Variants in ARSL observed in about 807,000 individuals in gnomAD.
ARSL encodes the protein arylsulfatase L.
Under a neutral mutation model 31.1 loss-of-function variants are expected in ARSL, and 4 were observed. That is an observed-to-expected ratio of 0.13 (90% CI 0.06 to 0.29). The LOEUF (loss-of-function observed/expected upper bound fraction) is 0.29, where lower values mean the gene tolerates loss of function less well. Among genes scored for constraint, ARSL ranks in the 10% least tolerant of loss-of-function variants. The pLI is 1.00. For missense variants in ARSL, 312 were observed against 497.8 expected, an observed-to-expected ratio of 0.63 and a Z score of 3.55; for synonymous variants, 198 against 209.9, an observed-to-expected ratio of 0.94 and a Z score of 0.49.
intron 8 of ARSL, among the ~76,000 whole-genome samples, chrX:2,938,969 G>C (rs2089243181): frequency 9.1e-6 from 1 of 110,369 alleles, no homozygotes; most frequent in African/African-American, 3.3e-5. Context: ...CGGTAACTGG[G>C]AGAGGCAGGA....
At position 2,949,298 on chromosome X, in the gene ARSL, G is replaced by C. The variant is rs1249221407; in HGVS notation, c.854+6C>G. The C allele has an allele frequency of 8.3e-7, 1 of 1,211,307 alleles. No individual in the cohort carries two copies. Among genetic ancestry groups the C allele is most frequent in the African/African-American group, 1.7e-5 (1 of 57,693 alleles). On this transcript the variant is annotated splice_donor_region_variant and intron_variant, in intron 6 of 10. Transcript: ENST00000381134. ...GCTTGGAGGAAGCTGACCCTTTTCT[G>C]CTGACCTTTTGAGAAAGGACGCAAC... is the stretch of plus-strand genomic sequence containing the variant.
intron 6 of ARSL, among the ~76,000 whole-genome samples, chrX:2,947,167 G>A (rs776644705): frequency 1.2e-3 from 133 of 110,472 alleles, no homozygotes; most frequent in African/African-American, 4.0e-3. Flanking sequence ...CTGGACAACC[G>A]GATTGAAATC....
At chrX:2,962,358 G>A (rs926533978) in intron 1 of ARSL, among the ~76,000 whole-genome samples, 3 of 112,164 alleles carry the variant, frequency 2.7e-5, no homozygotes, top group East Asian at 2.8e-4. Flanking sequence ...GCATGCAGAT[G>A]TGTTGGGTTT....
intron 1 of ARSL, among the ~76,000 whole-genome samples, chrX:2,960,635 G>A (rs2089613639): frequency 1.8e-5 from 2 of 112,008 alleles, no homozygotes; most frequent in Admixed American, 1.9e-4. Context: ...AATGTAAAAC[G>A]TGTTTCAATA....
At position 2,934,794 on chromosome X, in the gene ARSL, A is replaced by T. The variant is rs1226836208; in HGVS notation, c.*38T>A. The T allele has an allele frequency of 8.6e-7, 1 of 1,165,553 alleles. No homozygotes were observed. The highest frequency in any genetic ancestry group is 2.3e-5 in the Admixed American group (1 of 43,550). On this transcript the variant is annotated 3_prime_UTR_variant, in exon 11 of 11. Transcript: ENST00000381134. ...GGTTTGTTTCAATTTGAGTGACAAA[A>T]TTTAGGAATCGGGGCTCCAGCTTTT...
Position 2,936,908 on chromosome X carries a change from C to T in ARSL, c.1290-45G>A, listed in dbSNP as rs60088229. On this transcript the variant is annotated intron_variant, in intron 9 of 10. Transcript: ENST00000381134. ...ATGGCTCAGGGTTGGAACAGGGACT[C>T]TGGACATTTGTCCCTCCAGCATCCA... The T allele has an allele frequency of 3.3e-3, 3,935 of 1,206,294 alleles. 49 individuals are homozygous for T. The African/African-American group carries it at 0.045, about 14-fold the overall frequency.
intron 2 of ARSL, among the ~76,000 whole-genome samples, chrX:2,959,312 A>T (rs1382293504): frequency 3.6e-5 from 4 of 111,895 alleles, no homozygotes; most frequent in Non-Finnish European, 5.6e-5. Flanking sequence ...TCTGATGAGA[A>T]GTGGGTTTGG....
chrX:2,938,029 G>A (rs2089227228), intron 9 of ARSL, 66 bp downstream of exon 9: 1 of 1,200,776 alleles, frequency 8.3e-7, no homozygotes, highest in African/African-American at 1.7e-5. Context: ...AAAGTGACAT[G>A]TTCATTTGCC....
intron 10 of ARSL, 111 bp from the exon 11 acceptor site, chrX:2,935,301 G>A: frequency 1.5e-6 from 1 of 686,774 alleles, no homozygotes; most frequent in Non-Finnish European, 2.3e-6. Context: ...GTCCATCGAT[G>A]GATGGACAGA....
At chrX:2,956,650 CGG>C in intron 3 of ARSL, among the ~76,000 whole-genome samples, 1 of 109,012 alleles carries the variant, frequency 9.2e-6, no homozygotes, top group East Asian at 3.0e-4. Flanking sequence ...TTAGTAGAGA[CGG>C]GGGTTTCACC....
intron 5 of ARSL, among the ~76,000 whole-genome samples, chrX:2,952,363 C>T (rs762200797): frequency 8.1e-5 from 9 of 111,215 alleles, no homozygotes; most frequent in African/African-American, 2.0e-4. Context: ...GACAGGGTTT[C>T]GCCATGCTGC....
intron 1 of ARSL, among the ~76,000 whole-genome samples, chrX:2,961,827 A>T (rs186005135): frequency 1.9e-5 from 2 of 105,337 alleles, no homozygotes; most frequent in East Asian, 5.9e-4. Context: ...TTTTCTCTTA[A>T]CCTGAAGATT....
Position 2,953,124 on chromosome X carries a change from C to G in ARSL, c.430+19G>C, listed in dbSNP as rs909186773. 3 of 1,205,320 alleles carry G rather than the reference C, an allele frequency of 2.5e-6. No homozygotes were observed. Among genetic ancestry groups the G allele is most frequent in the Non-Finnish European group, 3.4e-6 (3 of 891,372 alleles). On this transcript the variant is annotated intron_variant, in intron 5 of 10. Coordinates refer to ENST00000381134, the MANE Select transcript of ARSL (RefSeq NM_000047.3). The stretch of plus-strand genomic sequence containing the variant: ...CCATATAAAAGTCATGTGCTTACCA[C>G]TTTTAAAAACGTACATACCAATGAG...
rs764120274 is a variant in ARSL, at chrX:2,946,596, C to T, written c.855-462G>A. Among the ~76,000 whole-genome samples, 4 of 101,899 alleles carry T rather than the reference C, an allele frequency of 3.9e-5. No individual in the cohort carries two copies. The South Asian group carries it at 1.9e-3, about 49-fold the overall frequency. 88.5% of individuals were successfully genotyped at this position (101,899 alleles called of 115,157 possible). ...TGAACTCCTCGGCTCAAGTGACCTG[C>T]CCCTGCCCATCTCGGCCTTCCAAAG... On this transcript the variant is annotated intron_variant, in intron 6 of 10. Transcript: ENST00000381134.
chrX:2,946,256 T>G (rs1161225990), intron 6 of ARSL, 122 bp from the exon 7 acceptor site: 2 of 614,581 alleles, frequency 3.3e-6, no homozygotes, highest in African/African-American at 4.7e-5. Flanking sequence ...TCAACTCTGC[T>G]CACCAAAAAG....
At chrX:2,944,865 A>T (rs760185872) in intron 7 of ARSL, among the ~76,000 whole-genome samples, 93 of 110,904 alleles carry the variant, frequency 8.4e-4, no homozygotes, top group African/African-American at 2.9e-3. Context: ...TACCTAACAC[A>T]TGGTCACGAA....
intron 7 of ARSL, among the ~76,000 whole-genome samples, chrX:2,944,236 A>T (rs1213180788): frequency 1.0e-4 from 11 of 109,100 alleles, no homozygotes; most frequent in Non-Finnish European, 1.9e-4. Context: ...CGGGCGGATC[A>T]CAAGGTCAGC....
intron 1 of ARSL, among the ~76,000 whole-genome samples, chrX:2,963,182 A>C (rs763119010): frequency 2.7e-5 from 3 of 112,075 alleles, no homozygotes; most frequent in African/African-American, 9.7e-5. Context: ...TTTACCCTAG[A>C]GAGCACACAC....
intron 9 of ARSL, 130 bp from the exon 10 acceptor site, chrX:2,936,993 G>A: frequency 1.1e-6 from 1 of 913,887 alleles, no homozygotes; most frequent in East Asian, 3.3e-5. Context: ...GGAAAGTCTG[G>A]GTGTGAACGC....
Sources: allele counts gnomAD v4.1 joint callset (sites outside exome capture counted in the v4.1 genomes callset), GRCh38; gene constraint gnomAD v4.1.1; transcripts MANE v1.5; gene names NCBI Gene and HGNC (gene_info 2026-07-23, HGNC 2026-07-21).